CFL2: variants seen among roughly 807,000 people sequenced by gnomAD.
CFL2 encodes the protein cofilin-2.
Under a neutral mutation model 19.6 loss-of-function variants are expected in CFL2, and 10 were observed. The observed-to-expected ratio is 0.51, with a 90% CI of 0.31 to 0.86. CFL2 has a LOEUF of 0.86. CFL2 is among the 40% of genes least tolerant of loss of function. The pLI, the probability that CFL2 is intolerant of heterozygous loss-of-function variation, is 0.04. For missense variants in CFL2, 125 were observed against 192.1 expected (o/e 0.65, Z 2.06); for synonymous variants, 63 against 66.7 (o/e 0.95, Z 0.27).
At position 34,712,415 on chromosome 14, in the gene CFL2, G is replaced by A. The variant is rs1885332194; in HGVS notation, c.*450C>T. On this transcript the variant is annotated 3_prime_UTR_variant, in exon 4 of 4. Transcript: ENST00000298159. ...CATATCACTAAAATAGGCTTGCCAA[G>A]GCAGGTGAGGTGTATGAATGCTCAA... The A allele has an allele frequency of 2.2e-6, 1 of 455,000 alleles. No individual in the cohort carries two copies. Among genetic ancestry groups the A allele is most frequent in the Non-Finnish European group, 4.4e-6 (1 of 227,244 alleles). The allele number at this position is 455,000 out of a possible 1,614,324, so 28.2% of individuals were successfully genotyped here.
rs765691574 is a variant in CFL2 at position 34,711,094 on chromosome 14, C to A, written c.*1771G>T. 4 of 453,800 alleles carry A rather than the reference C, an allele frequency of 8.8e-6. No homozygotes were observed. Among genetic ancestry groups the A allele is most frequent in the South Asian group, 6.2e-5 (4 of 64,338 alleles). 28.1% of individuals were successfully genotyped at this position (453,800 alleles called of 1,614,324 possible). ...AAATGGAAGCCTAGACATTTAATCC[C>A]TATTTTTAATGTTCACATCTGAAAA... On this transcript the variant is annotated 3_prime_UTR_variant, in exon 4 of 4. Coordinates refer to ENST00000298159, the MANE Select transcript of CFL2 (RefSeq NM_138638.5).
chr14:34,713,007 TTATTA>T lies in CFL2; in HGVS notation c.389-35_389-31del, dbSNP rs757178985. On this transcript the variant is annotated intron_variant, in intron 3 of 3. Coordinates refer to ENST00000298159, the MANE Select transcript of CFL2 (RefSeq NM_138638.5). ...AAAGAAAAAACATTATCCTATTACT[TTATTA>T]TAATTAATAAAGAATAATTTCTCTG... 10 of 1,546,746 alleles carry T rather than the reference TTATTA, an allele frequency of 6.5e-6. No individual in the cohort carries two copies. In the South Asian group the frequency reaches 9.4e-5, roughly 14 times the overall value.
At position 34,712,961 on chromosome 14, in the gene CFL2, C is replaced by A; in HGVS notation, c.405G>T (p.Trp135Cys). ...KKKFTGIKHE[W>C]QVNGLDDIKD... The stretch of plus-strand genomic sequence containing the variant: ...TAATATCATCCAAGCCATTTACTTG[C>A]CACTCATGTTTAATACCTAAAAAGA... Residue 135 changes from tryptophan (W) to cysteine (C), a missense_variant, in exon 4 of 4, where the codon TGG (tryptophan) becomes TGT (cysteine). Transcript: ENST00000298159. The A allele has an allele frequency of 6.2e-7, 1 of 1,606,924 alleles. No homozygotes were observed. Among genetic ancestry groups the A allele is most frequent in the Non-Finnish European group, 8.5e-7 (1 of 1,173,602 alleles).
At position 34,712,676 on chromosome 14, in the gene CFL2, G is replaced by A. The variant is rs1885344211; in HGVS notation, c.*189C>T. 1 of 686,246 alleles carries A rather than the reference G, an allele frequency of 1.5e-6. No individual in the cohort carries two copies. The highest frequency in any genetic ancestry group is 1.8e-5 in the African/African-American group (1 of 56,916). The allele number at this position is 686,246 out of a possible 1,614,324, so 42.5% of individuals were successfully genotyped here. On this transcript the variant is annotated 3_prime_UTR_variant, in exon 4 of 4. Transcript: ENST00000298159. Reference sequence around the variant, plus strand: ...CCTTGGGTTCTATATAAAAGTAACAGTATTCAACAGTCTAATGGCAATCAC... The same window carrying A: ...CCTTGGGTTCTATATAAAAGTAACAATATTCAACAGTCTAATGGCAATCAC...
intron 1 of CFL2, 151 bp downstream of exon 1, chr14:34,714,387 A>G: frequency 7.9e-7 from 1 of 1,272,228 alleles, no homozygotes; most frequent in Non-Finnish European, 1.0e-6. Flanking sequence ...GCCGGAGGGC[A>G]GGCCGGTCGG....
intron 1 of CFL2, chr14:34,713,902 G>T: frequency 7.6e-7 from 1 of 1,317,158 alleles, no homozygotes. Flanking sequence ...CAACTCGGCT[G>T]GCCTTAAAAA....
chr14:34,713,575 C>A lies in CFL2; in HGVS notation c.4-14G>T, dbSNP rs776588232. ...AACTCCAGAAGCCTGAAAATAAACA[C>A]AGAACAGTAATTCAGAACACGTATT... On this transcript the variant is annotated splice_polypyrimidine_tract_variant and intron_variant, in intron 1 of 3. Coordinates refer to ENST00000298159, the MANE Select transcript of CFL2 (RefSeq NM_138638.5). The A allele has an allele frequency of 1.9e-6, 3 of 1,614,040 alleles. No individual in the cohort carries two copies. The highest frequency in any genetic ancestry group is 2.5e-6 in the Non-Finnish European group (3 of 1,179,984).
chr14:34,714,020 G>GC (rs536543703), intron 1 of CFL2, among the ~76,000 whole-genome samples: 85 of 152,196 alleles, frequency 5.6e-4, no homozygotes, highest in African/African-American at 1.9e-3. Flanking sequence ...ACTCCAAACC[G>GC]CCCACGGCCC....
In CFL2 at chr14:34,712,642, G is replaced by A. The variant is rs1370293082; in HGVS notation, c.*223C>T. On this transcript the variant is annotated 3_prime_UTR_variant, in exon 4 of 4. Coordinates refer to ENST00000298159, the MANE Select transcript of CFL2 (RefSeq NM_138638.5). The stretch of plus-strand genomic sequence containing the variant: ...AGTTGTTTTGGCTAAAATATGACAG[G>A]AAGGCATTCCTTGGGTTCTATATAA... The A allele has an allele frequency of 4.6e-6, 3 of 656,132 alleles. No homozygotes were observed. The highest frequency in any genetic ancestry group is 8.4e-6 in the Non-Finnish European group (3 of 357,628). The allele number at this position is 656,132 out of a possible 1,614,324, so 40.6% of individuals were successfully genotyped here. A position where few individuals can be genotyped will look rare whatever the true frequency, so the allele number is the denominator to read the frequency against.
rs1398941563 is a variant in CFL2, at chr14:34,711,352, G to A, written c.*1513C>T. 2.2e-6 allele frequency: 1 copy of A among 454,488 alleles called. No homozygotes were observed. The highest frequency in any genetic ancestry group is 4.4e-6 in the Non-Finnish European group (1 of 226,790). 28.2% of individuals were successfully genotyped at this position (454,488 alleles called of 1,614,324 possible). The stretch of plus-strand genomic sequence containing the variant: ...TAACTATGACAAGATACAAAAGCAT[G>A]TGTTTGCCATAAATAGCCCTGGCTA... On this transcript the variant is annotated 3_prime_UTR_variant, in exon 4 of 4. Coordinates refer to ENST00000298159, the MANE Select transcript of CFL2 (RefSeq NM_138638.5).
rs375656153 is a variant in CFL2 at position 34,713,656 on chromosome 14, T to C, written c.4-95A>G. The C allele has an allele frequency of 1.6e-4, 261 of 1,613,548 alleles. No homozygotes were observed. Among genetic ancestry groups the C allele is most frequent in the Non-Finnish European group, 2.0e-4 (239 of 1,180,006 alleles). ...GAGAAGACTCACTTTAGTCTGGACA[T>C]CAAAAATTGCACCGTACCATGTAAG... On this transcript the variant is annotated intron_variant, in intron 1 of 3. Coordinates refer to ENST00000298159, the MANE Select transcript of CFL2 (RefSeq NM_138638.5).
At position 34,712,830 on chromosome 14, in the gene CFL2, G is replaced by A. The variant is rs115050412; in HGVS notation, c.*35C>T. 2.9e-3 allele frequency: 3,262 copies of A among 1,144,128 alleles called. 72 individuals are homozygous for A. The African/African-American group carries it at 0.043, about 15-fold the overall frequency. The allele number at this position is 1,144,128 out of a possible 1,614,324, so 70.9% of individuals were successfully genotyped here. A position where few individuals can be genotyped will look rare whatever the true frequency, so the allele number is the denominator to read the frequency against. On this transcript the variant is annotated 3_prime_UTR_variant, in exon 4 of 4. Transcript: ENST00000298159. ...AATGGACTGAGCTGGAGAAATGGAA[G>A]CTCCTTAAGATCCAGATGGCACTTG...
intron 2 of CFL2, 50 bp from the exon 3 acceptor site, chr14:34,713,186 G>A: frequency 6.4e-7 from 1 of 1,559,656 alleles, no homozygotes; most frequent in Non-Finnish European, 8.7e-7. Context: ...AAAAACAAAG[G>A]TAAGACTGAC....
In CFL2 at chr14:34,711,977, T is replaced by C. The variant is rs1264324012; in HGVS notation, c.*888A>G. 2.2e-6 allele frequency: 1 copy of C among 454,376 alleles called. No homozygotes were observed. The highest frequency in any genetic ancestry group is 2.4e-5 in the Admixed American group (1 of 42,548). The allele number at this position is 454,376 out of a possible 1,614,324, so 28.1% of individuals were successfully genotyped here. ...CCTAGAAGTTGTTTCACATAACATTTTGCAAAATTTCCAAGGAAAACAAGG... is the reference window on the plus strand; with the variant it reads ...CCTAGAAGTTGTTTCACATAACATTCTGCAAAATTTCCAAGGAAAACAAGG... On this transcript the variant is annotated 3_prime_UTR_variant, in exon 4 of 4. Coordinates refer to ENST00000298159, the MANE Select transcript of CFL2 (RefSeq NM_138638.5).
Position 34,711,661 on chromosome 14 carries a change from TA to T in CFL2, c.*1203del. The T allele has an allele frequency of 2.3e-6, 1 of 444,368 alleles. No homozygotes were observed. Among genetic ancestry groups the T allele is most frequent in the Non-Finnish European group, 4.5e-6 (1 of 224,150 alleles). 27.5% of individuals were successfully genotyped at this position (444,368 alleles called of 1,614,324 possible). Reference sequence around the variant, plus strand: ...AACTACTTAGAAATGTAAATGTGAATAAAAAAATAACTATGCTAATTTATCC... The same window carrying T: ...AACTACTTAGAAATGTAAATGTGAATAAAAAATAACTATGCTAATTTATCC... On this transcript the variant is annotated 3_prime_UTR_variant, in exon 4 of 4. Transcript: ENST00000298159.
chr14:34,713,761 C>T, intron 1 of CFL2, 200 bp from the exon 2 acceptor site: 1 of 1,611,848 alleles, frequency 6.2e-7, no homozygotes, highest in Non-Finnish European at 8.5e-7. Context: ...CCCATTCATC[C>T]TTCTTAAAGG....
rs1352591396 is a variant in CFL2 at position 34,711,215 on chromosome 14, C to T, written c.*1650G>A. The T allele has an allele frequency of 2.2e-6, 1 of 454,462 alleles. No homozygotes were observed. Among genetic ancestry groups the T allele is most frequent in the African/African-American group, 2.0e-5 (1 of 50,114 alleles). 28.2% of individuals were successfully genotyped at this position (454,462 alleles called of 1,614,324 possible). On this transcript the variant is annotated 3_prime_UTR_variant, in exon 4 of 4. Transcript: ENST00000298159. ...GGGATATTTTCTTTCCTGTTTTCTGCTAAAAGCATTCCTCTGAGCTATGGG... is the reference window on the plus strand; with the variant it reads ...GGGATATTTTCTTTCCTGTTTTCTGTTAAAAGCATTCCTCTGAGCTATGGG...
At position 34,712,417 on chromosome 14, in the gene CFL2, C is replaced by G. The variant is rs1292338857; in HGVS notation, c.*448G>C. 1 of 455,194 alleles carries G rather than the reference C, an allele frequency of 2.2e-6. No individual in the cohort carries two copies. Among genetic ancestry groups the G allele is most frequent in the South Asian group, 1.6e-5 (1 of 64,482 alleles). The allele number at this position is 455,194 out of a possible 1,614,324, so 28.2% of individuals were successfully genotyped here. A position where few individuals can be genotyped will look rare whatever the true frequency, so the allele number is the denominator to read the frequency against. ...TATCACTAAAATAGGCTTGCCAAGG[C>G]AGGTGAGGTGTATGAATGCTCAAGC... On this transcript the variant is annotated 3_prime_UTR_variant, in exon 4 of 4. Coordinates refer to ENST00000298159, the MANE Select transcript of CFL2 (RefSeq NM_138638.5).
At position 34,712,120 on chromosome 14, in the gene CFL2, T is replaced by C; in HGVS notation, c.*745A>G. The C allele has an allele frequency of 2.2e-6, 1 of 454,550 alleles. No individual in the cohort carries two copies. Among genetic ancestry groups the C allele is most frequent in the Non-Finnish European group, 4.4e-6 (1 of 226,774 alleles). The allele number at this position is 454,550 out of a possible 1,614,324, so 28.2% of individuals were successfully genotyped here. On this transcript the variant is annotated 3_prime_UTR_variant, in exon 4 of 4. Transcript: ENST00000298159. ...CTCTTTTATACAGAAATTGCCATCA[T>C]GACTGATATTCAAAATATCTTTAGT...
Sources: gnomAD v4.1 joint callset for allele counts (sites outside exome capture counted in the v4.1 genomes callset) on GRCh38, gnomAD v4.1.1 for gene constraint, MANE v1.5 for transcripts, NCBI Gene and HGNC (gene_info 2026-07-23, HGNC 2026-07-21) for gene names.